The following EYS variants were observed in gnomAD, a reference collection of about 807,000 sequenced individuals.
EYS encodes the protein protein eyes shut homolog.
A neutral mutation model predicts 282.1 loss-of-function variants in EYS; 250 were observed. The observed-to-expected ratio is 0.89, with a 90% CI of 0.80 to 0.98. The LOEUF is 0.98. Among genes scored for constraint, EYS ranks in the 50% least tolerant of loss-of-function variants. The pLI is 0.00. For synonymous variants in EYS, 1,355 were observed against 1,282.9 expected, an observed-to-expected ratio of 1.06 and a Z score of -1.20; for missense variants, 4,016 against 3,709.0, an observed-to-expected ratio of 1.08 and a Z score of -2.15.
At chr6:64,098,207 G>A (rs1459104591) in intron 31 of EYS, among the ~76,000 whole-genome samples, 1 of 152,156 alleles carries the variant, frequency 6.6e-6, no homozygotes, top group Non-Finnish European at 1.5e-5. Context: ...GGAAGCATAT[G>A]TAAGAATATC....
intron 15 of EYS, among the ~76,000 whole-genome samples, chr6:64,936,268 C>A (rs540102869): frequency 2.3e-4 from 35 of 151,466 alleles, no homozygotes; most frequent in African/African-American, 8.2e-4. Context: ...AAAAAACACT[C>A]AACAAACCAG....
At chr6:64,684,649 T>C (rs1277942186) in intron 22 of EYS, among the ~76,000 whole-genome samples, 1 of 151,954 alleles carries the variant, frequency 6.6e-6, no homozygotes, top group Non-Finnish European at 1.5e-5. Flanking sequence ...ATATACACTA[T>C]AACATAATGG....
chr6:65,670,137 C>T (rs151262889), intron 1 of EYS, among the ~76,000 whole-genome samples: 63 of 152,154 alleles, frequency 4.1e-4, no homozygotes, highest in African/African-American at 1.3e-3. Flanking sequence ...GAGGACTTGG[C>T]TTCTTTCTAA....
At chr6:63,952,836 C>T (rs1249962449) in intron 35 of EYS, among the ~76,000 whole-genome samples, 1 of 152,130 alleles carries the variant, frequency 6.6e-6, no homozygotes, top group Non-Finnish European at 1.5e-5. Context: ...CCCATTAAAA[C>T]CTAATCACAC....
intron 26 of EYS, among the ~76,000 whole-genome samples, chr6:64,454,315 C>T (rs899987442): frequency 2.0e-5 from 3 of 152,082 alleles, no homozygotes; most frequent in Non-Finnish European, 4.4e-5. Flanking sequence ...GCATAGGTCA[C>T]GTTCTGCATA....
At chr6:64,157,669 A>G (rs1056045571) in intron 31 of EYS, among the ~76,000 whole-genome samples, 52 of 152,310 alleles carry the variant, frequency 3.4e-4, no homozygotes, top group African/African-American at 1.2e-3. Flanking sequence ...CCATGGCTTC[A>G]GAGGGTGGAA....
At chr6:64,443,640 T>A (rs1775025469) in intron 26 of EYS, among the ~76,000 whole-genome samples, 1 of 152,174 alleles carries the variant, frequency 6.6e-6, no homozygotes, top group Non-Finnish European at 1.5e-5. Flanking sequence ...GTTCTTGTGA[T>A]TATGAATGGT....
intron 31 of EYS, among the ~76,000 whole-genome samples, chr6:64,215,562 T>C (rs1284506687): frequency 6.6e-6 from 1 of 152,056 alleles, no homozygotes; most frequent in Non-Finnish European, 1.5e-5. Context: ...ATGGAAGTAA[T>C]TTCTATATTT....
chr6:64,391,635 T>C (rs1773150257), intron 28 of EYS, among the ~76,000 whole-genome samples: 1 of 151,900 alleles, frequency 6.6e-6, no homozygotes, highest in Non-Finnish European at 1.5e-5. Context: ...GCGCTAAACA[T>C]GGAAAGGAAC....
At chr6:64,784,694 A>G (rs1260266690) in intron 22 of EYS, among the ~76,000 whole-genome samples, 2 of 152,168 alleles carry the variant, frequency 1.3e-5, no homozygotes, top group Non-Finnish European at 2.9e-5. Context: ...TTGGATTTCT[A>G]TAACAAATGA....
intron 2 of EYS, among the ~76,000 whole-genome samples, chr6:65,608,704 C>A (rs1765888828): frequency 6.6e-6 from 1 of 151,924 alleles, no homozygotes; most frequent in African/African-American, 2.4e-5. Flanking sequence ...ATTATAGAAG[C>A]TTTTTCCTTT....
At chr6:64,233,314 A>G (rs926566936) in intron 30 of EYS, among the ~76,000 whole-genome samples, 1 of 152,212 alleles carries the variant, frequency 6.6e-6, no homozygotes, top group Non-Finnish European at 1.5e-5. Context: ...GATAATTAAT[A>G]GTCTTTGGCT....
At chr6:64,342,204 G>A (rs770428495) in intron 29 of EYS, among the ~76,000 whole-genome samples, 7 of 151,448 alleles carry the variant, frequency 4.6e-5, no homozygotes, top group Admixed American at 1.3e-4. Context: ...GTACAAAAAC[G>A]CATAAAATGT....
chr6:65,518,117 C>G (rs1767211632), intron 2 of EYS, among the ~76,000 whole-genome samples: 1 of 151,994 alleles, frequency 6.6e-6, no homozygotes, highest in Non-Finnish European at 1.5e-5. Context: ...AACTGAGTCT[C>G]AGAAAAGTAA....
intron 36 of EYS, among the ~76,000 whole-genome samples, chr6:63,836,917 G>C (rs771331668): frequency 6.6e-6 from 1 of 151,944 alleles, no homozygotes; most frequent in Non-Finnish European, 1.5e-5. Context: ...ATAGTCCTTG[G>C]CTATAACTTG....
intron 26 of EYS, among the ~76,000 whole-genome samples, chr6:64,478,839 GA>G (rs1415956953): frequency 1.3e-5 from 2 of 151,052 alleles, no homozygotes; most frequent in Non-Finnish European, 3.0e-5. Context: ...ATTTTCTTAT[GA>G]ATTTATAAGG....
intron 31 of EYS, among the ~76,000 whole-genome samples, chr6:64,224,071 G>T (rs894393614): frequency 1.3e-5 from 2 of 151,924 alleles, no homozygotes; most frequent in African/African-American, 4.8e-5. Context: ...ACTGTGACTT[G>T]TTTTCTATAA....
intron 2 of EYS, among the ~76,000 whole-genome samples, chr6:65,560,651 A>G (rs1769017786): frequency 6.6e-6 from 1 of 151,862 alleles, no homozygotes; most frequent in African/African-American, 2.4e-5. Flanking sequence ...TCTTTCACAT[A>G]TTTTATTCTT....
intron 36 of EYS, among the ~76,000 whole-genome samples, chr6:63,845,317 AG>A (rs1432177136): frequency 1.3e-5 from 2 of 152,158 alleles, no homozygotes; most frequent in African/African-American, 4.8e-5. Flanking sequence ...CAAAGTATAG[AG>A]CCTTCCCATT....
Sources: allele counts gnomAD v4.1 joint callset (sites outside exome capture counted in the v4.1 genomes callset), GRCh38; gene constraint gnomAD v4.1.1; transcripts MANE v1.5; gene names NCBI Gene and HGNC (gene_info 2026-07-23, HGNC 2026-07-21).